PRSS23: variants seen among roughly 807,000 people sequenced by gnomAD.
The protein encoded by PRSS23 is serine protease 23.
PRSS23 carries 25 observed loss-of-function variants against 34.7 expected under a neutral mutation model. The ratio of observed to expected loss-of-function variants is 0.72; its 90% CI spans 0.53 to 1.01. The LOEUF is 1.01. PRSS23 is among the 50% of genes least tolerant of loss of function. PRSS23 has a pLI of 0.00. For missense variants in PRSS23, 445 were observed against 475.6 expected, an observed-to-expected ratio of 0.94 and a Z score of 0.60; for synonymous variants, 176 against 186.6, an observed-to-expected ratio of 0.94 and a Z score of 0.46.
At chr11:86,902,366 T>A (rs936893586) in intron 2 of PRSS23, among the ~76,000 whole-genome samples, 1 of 152,202 alleles carries the variant, frequency 6.6e-6, no homozygotes, top group African/African-American at 2.4e-5. Flanking sequence ...TAGGCATTGG[T>A]ACTTAATTTT....
downstream of PRSS23, among the ~76,000 whole-genome samples, chr11:86,813,565 T>A (rs530977869): frequency 6.7e-3 from 1,015 of 152,290 alleles, 4 homozygotes; most frequent in Non-Finnish European, 1.0e-2. Context: ...GAAGGGACAG[T>A]AGGCACAGTG....
chr11:86,809,021 AT>A lies in PRSS23; in HGVS notation c.*227del, dbSNP rs1948145942. ...TATATCATTTAAGCAGTTTGAAGGC[AT>A]ACTTTTGCATAGAAATAAAAAAAAT... On this transcript the variant is annotated 3_prime_UTR_variant, in exon 2 of 2. Transcript: ENST00000280258. The A allele has an allele frequency of 4.9e-6, 2 of 405,084 alleles. No homozygotes were observed. Among genetic ancestry groups the A allele is most frequent in the Non-Finnish European group, 9.1e-6 (2 of 220,804 alleles). The allele number at this position is 405,084 out of a possible 1,614,324, so 25.1% of individuals were successfully genotyped here.
At chr11:86,829,607 A>C (rs1252324922) in intron 2 of PRSS23, among the ~76,000 whole-genome samples, 1 of 151,856 alleles carries the variant, frequency 6.6e-6, no homozygotes, top group Non-Finnish European at 1.5e-5. Context: ...TTTTTTCCCC[A>C]TCTTTGTGGT....
intron 2 of PRSS23, among the ~76,000 whole-genome samples, chr11:86,880,598 A>C (rs1202184979): frequency 6.6e-6 from 1 of 152,112 alleles, no homozygotes; most frequent in Non-Finnish European, 1.5e-5. Context: ...CCCATCATCT[A>C]GGTTTCAAGC....
At chr11:86,939,826 C>T (rs1184770674) in intron 2 of PRSS23, among the ~76,000 whole-genome samples, 1 of 150,986 alleles carries the variant, frequency 6.6e-6, no homozygotes, top group Non-Finnish European at 1.5e-5. Context: ...GTGGTTCTCT[C>T]ATTCACTTAT....
At chr11:86,913,207 T>A (rs1363344765) in intron 2 of PRSS23, among the ~76,000 whole-genome samples, 1 of 151,282 alleles carries the variant, frequency 6.6e-6, no homozygotes, top group Non-Finnish European at 1.5e-5. Flanking sequence ...ATTCTTCTAT[T>A]TGGTAAGACT....
chr11:86,951,343 A>G lies in PRSS23; in HGVS notation c.*58A>G, dbSNP rs1369957626. 6.2e-7 allele frequency: 1 copy of G among 1,613,788 alleles called. No individual in the cohort carries two copies. Among genetic ancestry groups the G allele is most frequent in the Admixed American group, 1.7e-5 (1 of 60,010 alleles). On this transcript the variant is annotated 3_prime_UTR_variant, in exon 3 of 3. Transcript: ENST00000533902. The stretch of plus-strand genomic sequence containing the variant: ...TCAACATTTCAACAGCCATGTTGGA[A>G]TCATCTGCAGAATACCGAAAAAGTG...
chr11:86,871,735 T>A (rs544279382), intron 2 of PRSS23, among the ~76,000 whole-genome samples: 1 of 152,330 alleles, frequency 6.6e-6, no homozygotes, highest in South Asian at 2.1e-4. Context: ...AGAACTCTGA[T>A]ATTCATAACT....
chr11:86,897,647 G>A (rs957573596), intron 2 of PRSS23, among the ~76,000 whole-genome samples: 6 of 149,056 alleles, frequency 4.0e-5, no homozygotes, highest in African/African-American at 1.5e-4. Flanking sequence ...TTTTTTGTTT[G>A]TTTGTTATAA....
intron 2 of PRSS23, among the ~76,000 whole-genome samples, chr11:86,884,729 G>C (rs1400589763): frequency 2.0e-5 from 3 of 152,110 alleles, no homozygotes; most frequent in Non-Finnish European, 4.4e-5. Context: ...CCTGCCTCTT[G>C]TCCCACCATT....
intron 2 of PRSS23, among the ~76,000 whole-genome samples, chr11:86,886,766 C>G (rs756917292): frequency 6.6e-5 from 10 of 151,996 alleles, no homozygotes; most frequent in African/African-American, 1.2e-4. Context: ...TGGCAAAACC[C>G]CATCTTTACT....
intron 2 of PRSS23, among the ~76,000 whole-genome samples, chr11:86,834,061 T>C (rs1948382916): frequency 6.6e-6 from 1 of 152,224 alleles, no homozygotes; most frequent in Non-Finnish European, 1.5e-5. Context: ...GCTTCGATTC[T>C]GGAAGAGACA....
rs573044789 is a variant in PRSS23 at position 86,893,588 on chromosome 11, G to T, written c.207-57628G>T. ...TCATGGAAATAATTAAGGTAGGATGGCAGGAGCTATCTACTTAGCACAGAG... is the reference window on the plus strand; with the variant it reads ...TCATGGAAATAATTAAGGTAGGATGTCAGGAGCTATCTACTTAGCACAGAG... On this transcript the variant is annotated intron_variant, in intron 2 of 2. Transcript: ENST00000533902. 5.9e-5 allele frequency among the ~76,000 whole-genome samples: 9 copies of T among 152,314 alleles called. No homozygotes were observed. The South Asian group carries it at 1.9e-3, about 32-fold the overall frequency.
At chr11:86,818,560 C>T (rs1002454627) in intron 1 of PRSS23, among the ~76,000 whole-genome samples, 1 of 152,112 alleles carries the variant, frequency 6.6e-6, no homozygotes, top group African/African-American at 2.4e-5. Context: ...TCAGACTAAA[C>T]GATCTCAGAT....
chr11:86,903,899 T>C (rs917330265), intron 2 of PRSS23, among the ~76,000 whole-genome samples: 2 of 152,190 alleles, frequency 1.3e-5, no homozygotes, highest in African/African-American at 2.4e-5. Context: ...TTAAGATAGA[T>C]AAAGTGTGTA....
At chr11:86,910,159 T>C (rs915544452) in intron 2 of PRSS23, 3 of 152,242 alleles carry the variant, frequency 2.0e-5, no homozygotes, top group Admixed American at 1.3e-4. Flanking sequence ...TAATTAATAT[T>C]GCTTGAGCTC....
At chr11:86,845,819 A>G (rs1948482342) in intron 2 of PRSS23, among the ~76,000 whole-genome samples, 1 of 152,180 alleles carries the variant, frequency 6.6e-6, no homozygotes, top group Admixed American at 6.5e-5. Context: ...TTTTTCTGTG[A>G]CCAGCAGACC....
At chr11:86,841,203 G>T (rs1480899115) in intron 2 of PRSS23, among the ~76,000 whole-genome samples, 1 of 151,982 alleles carries the variant, frequency 6.6e-6, no homozygotes, top group African/African-American at 2.4e-5. Context: ...GCCTGGTGTG[G>T]TGGCACATGC....
intron 2 of PRSS23, among the ~76,000 whole-genome samples, chr11:86,829,905 G>T (rs549464897): frequency 2.5e-3 from 387 of 152,314 alleles, no homozygotes; most frequent in African/African-American, 8.9e-3. Context: ...CCTACTGGGG[G>T]GTGCCTCCCA....
Sources: allele counts gnomAD v4.1 joint callset (sites outside exome capture counted in the v4.1 genomes callset), GRCh38; gene constraint gnomAD v4.1.1; transcripts MANE v1.5; gene names NCBI Gene and HGNC (gene_info 2026-07-23, HGNC 2026-07-21).